The following UPP1 variants were observed in gnomAD, a reference collection of about 807,000 sequenced individuals.
UPP1 encodes uridine phosphorylase 1.
A neutral mutation model predicts 29.6 loss-of-function variants in UPP1; 25 were observed. That is an observed-to-expected ratio of 0.85 (90% CI 0.62 to 1.18). The LOEUF is 1.18. Among genes scored for constraint, UPP1 ranks in the 50% most tolerant of loss-of-function variants. The pLI is 0.00. For missense variants in UPP1, 368 were observed against 410.4 expected, an observed-to-expected ratio of 0.90 and a Z score of 0.89; for synonymous variants, 165 against 159.8, an observed-to-expected ratio of 1.03 and a Z score of -0.25.
intron 5 of UPP1, 29 bp downstream of exon 5, chr7:48,102,011 TCTCTAGG>T: frequency 6.2e-7 from 1 of 1,603,304 alleles, no homozygotes; most frequent in Non-Finnish European, 8.5e-7. Flanking sequence ...TTGTGCTCAG[TCTCTAGG>T]CTCTGCAACC....
At chr7:48,093,596 G>A (rs1454694031) in intron 2 of UPP1, among the ~76,000 whole-genome samples, 1 of 152,182 alleles carries the variant, frequency 6.6e-6, no homozygotes. Flanking sequence ...CCTTCAAAGA[G>A]CTCTGGCAAA....
chr7:48,107,310 G>T (rs781382788), intron 7 of UPP1, 51 bp from the exon 8 acceptor site: 2 of 1,576,292 alleles, frequency 1.3e-6, no homozygotes, highest in East Asian at 4.5e-5. Flanking sequence ...CTGATGTGTT[G>T]TAGGAGCTTC....
At position 48,094,952 on chromosome 7, in the gene UPP1, CTG is replaced by C. The variant is rs1267848927; in HGVS notation, c.44+126_44+127del. 8.4e-6 allele frequency: 10 copies of C among 1,191,604 alleles called. 1 individual carries two copies. The East Asian group carries it at 2.6e-4, about 30-fold the overall frequency. The allele number at this position is 1,191,604 out of a possible 1,614,324, so 73.8% of individuals were successfully genotyped here. The stretch of plus-strand genomic sequence containing the variant: ...ACACATTTGATGCTTGTGAAAGAGA[CTG>C]AGGCCTGGAGGGATTAATGACTCAG... On this transcript the variant is annotated intron_variant, in intron 3 of 8. Transcript: ENST00000395564.
chr7:48,103,938 G>T (rs1404732786), intron 6 of UPP1: 2 of 1,260,496 alleles, frequency 1.6e-6, no homozygotes, highest in Non-Finnish European at 2.1e-6. Flanking sequence ...AAAGATGGTT[G>T]GCCGGGCGCG....
chr7:48,095,682 C>T (rs1432877089), intron 3 of UPP1, among the ~76,000 whole-genome samples: 9 of 151,678 alleles, frequency 5.9e-5, no homozygotes, highest in Admixed American at 1.3e-4. Context: ...TTGCTCTTGT[C>T]GCCCAGGCTG....
chr7:48,101,667 C>T (rs897688579), intron 4 of UPP1, among the ~76,000 whole-genome samples, 157 bp from the exon 5 acceptor site: 1 of 152,118 alleles, frequency 6.6e-6, no homozygotes. Context: ...AAAGCAGATT[C>T]CTGGGCCCCT....
chr7:48,106,906 A>G lies in UPP1; in HGVS notation c.470A>G (p.Gln157Arg), dbSNP rs1792778490. ...CCCGGCACTGTGGTCATAACAGAGC[A>G]GGCAGTGGATACCTGCTTCAAGGCA... Reference protein sequence around the residue: ...LEPGTVVITEQAVDTCFKAEF... With the variant: ...LEPGTVVITERAVDTCFKAEF... The change falls in exon 7 of 9, where the codon CAG (glutamine) becomes CGG (arginine). Residue 157 changes from glutamine to arginine, a missense_variant. Transcript: ENST00000395564. 1.2e-6 allele frequency: 2 copies of G among 1,613,840 alleles called. No homozygotes were observed. Among genetic ancestry groups the G allele is most frequent in the Non-Finnish European group, 1.7e-6 (2 of 1,179,960 alleles).
intron 8 of UPP1, 40 bp from the exon 9 acceptor site, chr7:48,108,178 C>T (rs1792873517): frequency 4.4e-6 from 7 of 1,591,924 alleles, no homozygotes; most frequent in Non-Finnish European, 6.0e-6. Context: ...AATGTTAGAC[C>T]CCCGGCACCT....
Position 48,108,409 on chromosome 7 carries a change from A to C in UPP1, c.*52A>C. On this transcript the variant is annotated 3_prime_UTR_variant, in exon 9 of 9. Transcript: ENST00000395564. ...GCTGTGATGACTTGCCATTAAAAGC[A>C]TTGTCCAAAATCCCCTGTTGTGTGG... 1 of 1,571,952 alleles carries C rather than the reference A, an allele frequency of 6.4e-7. No individual in the cohort carries two copies. Among genetic ancestry groups the C allele is most frequent in the South Asian group, 1.2e-5 (1 of 85,962 alleles).
chr7:48,103,464 A>G, intron 6 of UPP1, 53 bp downstream of exon 6: 1 of 1,464,366 alleles, frequency 6.8e-7, no homozygotes, highest in Non-Finnish European at 9.6e-7. Context: ...GGACTGGGGC[A>G]TGCCAAGGCA....
At position 48,101,966 on chromosome 7, in the gene UPP1, C is replaced by G. The variant is rs761983133; in HGVS notation, c.305C>G (p.Pro102Arg). Residue 102 changes from proline to arginine, a missense_variant, in exon 5 of 9, where the codon CCG becomes CGG. Coordinates refer to ENST00000395564, the MANE Select transcript of UPP1 (RefSeq NM_003364.4). ...CGCTATGCCATGTATAAAGTAGGAC[C>G]GGTGCTGTCTGTCAGTGTGAGTACC... The part of the protein sequence containing the change: ...TDRYAMYKVG[P>R]VLSVSHGMGI... The G allele has an allele frequency of 6.2e-7, 1 of 1,613,672 alleles. No homozygotes were observed. The highest frequency in any genetic ancestry group is 1.7e-5 in the Admixed American group (1 of 59,936).
At chr7:48,103,890 T>C in intron 6 of UPP1, 1 of 1,282,348 alleles carries the variant, frequency 7.8e-7, no homozygotes, top group Non-Finnish European at 1.0e-6. Flanking sequence ...AAAATGTCCC[T>C]ATCCTCAACA....
At chr7:48,100,299 C>T (rs116991270) in intron 4 of UPP1, among the ~76,000 whole-genome samples, 278 of 152,162 alleles carry the variant, frequency 1.8e-3, no homozygotes, top group African/African-American at 2.6e-3. Flanking sequence ...TTTCTGGGAC[C>T]GCTGTTGTGT....
intron 3 of UPP1, among the ~76,000 whole-genome samples, chr7:48,098,803 A>G (rs1792263790): frequency 6.6e-6 from 1 of 151,996 alleles, no homozygotes; most frequent in Non-Finnish European, 1.5e-5. Flanking sequence ...GAGCCCACCC[A>G]TCTCTAGGAC....
chr7:48,099,957 G>A (rs1470979747), intron 4 of UPP1, among the ~76,000 whole-genome samples, 170 bp downstream of exon 4: 1 of 152,190 alleles, frequency 6.6e-6, no homozygotes, highest in Non-Finnish European at 1.5e-5. Flanking sequence ...ATGTGAACTA[G>A]CAAGTAAAAC....
chr7:48,107,187 T>C, intron 7 of UPP1, 105 bp downstream of exon 7: 1 of 1,466,904 alleles, frequency 6.8e-7, no homozygotes, highest in South Asian at 1.2e-5. Context: ...GCCAGGCTGC[T>C]GTCTCAGTTA....
intron 2 of UPP1, among the ~76,000 whole-genome samples, chr7:48,092,143 C>A (rs1057405698): frequency 4.6e-5 from 7 of 152,074 alleles, no homozygotes. Flanking sequence ...AGCTCCCTAC[C>A]CCTAAAGACA....
chr7:48,092,948 GCCT>G lies in UPP1; in HGVS notation c.-21-1810_-21-1808del, dbSNP rs1159222076. ...TGAACTCCTGACCTCAAGTGATCTG[GCCT>G]CCTCGGCCTCCCAAAGTGCTGAGAT... On this transcript the variant is annotated intron_variant, in intron 2 of 8. Coordinates refer to ENST00000395564, the MANE Select transcript of UPP1 (RefSeq NM_003364.4). Among the ~76,000 whole-genome samples the G allele has an allele frequency of 4.6e-5, 7 of 151,974 alleles. No homozygotes were observed. The East Asian group carries it at 1.4e-3, about 29-fold the overall frequency.
rs2128818018 is a variant in UPP1 at position 48,106,921 on chromosome 7, G to A, written c.485G>A (p.Cys162Tyr). ...ATAACAGAGCAGGCAGTGGATACCTGCTTCAAGGCAGAGTTTGAGCAGATT... is the reference window on the plus strand; with the variant it reads ...ATAACAGAGCAGGCAGTGGATACCTACTTCAAGGCAGAGTTTGAGCAGATT... ...VVITEQAVDT[C>Y]FKAEFEQIVL... Residue 162 changes from cysteine (C) to tyrosine (Y), a missense_variant, in exon 7 of 9, where the codon TGC becomes TAC. Transcript: ENST00000395564. 6.2e-7 allele frequency: 1 copy of A among 1,613,716 alleles called. No homozygotes were observed. Among genetic ancestry groups the A allele is most frequent in the East Asian group, 2.2e-5 (1 of 44,890 alleles).
Sources: gnomAD v4.1 joint callset for allele counts (sites outside exome capture counted in the v4.1 genomes callset) on GRCh38, gnomAD v4.1.1 for gene constraint, MANE v1.5 for transcripts, NCBI Gene and HGNC (gene_info 2026-07-23, HGNC 2026-07-21) for gene names.